ANK3: variants seen among roughly 807,000 people sequenced by gnomAD.
ANK3 encodes the protein ankyrin 3.
In ANK3, 57 loss-of-function variants were observed where a neutral mutation model predicts 370.9. The observed-to-expected ratio is 0.15, with a 90% confidence interval of 0.12 to 0.19. The LOEUF is 0.19. Ranked by LOEUF, ANK3 falls within the 10% of genes least tolerant of loss-of-function variation. The pLI is 1.00. For synonymous variants in ANK3, 1,929 were observed against 1,946.3 expected, an observed-to-expected ratio of 0.99 and a Z score of 0.23; for missense variants, 4,439 against 5,302.1, an observed-to-expected ratio of 0.84 and a Z score of 5.06.
chr10:60,069,414 G>A lies in ANK3; in HGVS notation c.11467C>T (p.Pro3823Ser), dbSNP rs1322623252. 1 of 1,613,404 alleles carries A rather than the reference G, an allele frequency of 6.2e-7. No homozygotes were observed. The highest frequency in any genetic ancestry group is 1.3e-5 in the African/African-American group (1 of 74,716). The change falls in exon 37 of 44, where the codon CCA becomes TCA. Residue 3823 changes from proline to serine, a missense_variant. By Grantham distance (74) the Pro-to-Ser change is moderately conservative. Around this residue, in one of 13 missense-constraint regions of ANK3, gnomAD observed 496 missense variants for 529.3 expected, o/e 0.94. Coordinates refer to ENST00000280772, the MANE Select transcript of ANK3 (RefSeq NM_020987.5). ...TTTTTTCCTGATGAGACTTTCACTGGGTTATCTTTCTCTGTGGTACAAGTG... is the reference window on the plus strand; with the variant it reads ...TTTTTTCCTGATGAGACTTTCACTGAGTTATCTTTCTCTGTGGTACAAGTG... ...APTCTTEKDN[P>S]VKVSSGKKTG...
chr10:60,124,595 T>A (rs578096608), intron 25 of ANK3, among the ~76,000 whole-genome samples: 1 of 152,250 alleles, frequency 6.6e-6, no homozygotes, highest in South Asian at 2.1e-4. Flanking sequence ...AAGTCAGAGC[T>A]GCCTGCTGGA....
intron 2 of ANK3, among the ~76,000 whole-genome samples, chr10:60,514,801 A>C (rs2076176514): frequency 6.6e-6 from 1 of 152,136 alleles, no homozygotes; most frequent in South Asian, 2.1e-4. Context: ...TATGTTTCCA[A>C]GTTGCTTCTA....
intron 1 of ANK3, among the ~76,000 whole-genome samples, chr10:60,647,459 C>A (rs1035317362): frequency 1.5e-4 from 23 of 152,110 alleles, no homozygotes; most frequent in Non-Finnish European, 2.5e-4. Context: ...AGTCATATCA[C>A]TGGACAACTT....
intron 28 of ANK3, among the ~76,000 whole-genome samples, chr10:60,099,206 C>G (rs769093452): frequency 6.6e-6 from 1 of 152,090 alleles, no homozygotes; most frequent in East Asian, 1.9e-4. Flanking sequence ...AAGTTTTTCT[C>G]TCTCTTGGGT....
At chr10:60,581,849 T>C (rs1041433761) in intron 2 of ANK3, among the ~76,000 whole-genome samples, 2 of 151,860 alleles carry the variant, frequency 1.3e-5, no homozygotes, top group Non-Finnish European at 1.5e-5. Context: ...CTATTCACAA[T>C]AGCAAAGACT....
intron 5 of ANK3, among the ~76,000 whole-genome samples, chr10:60,266,154 T>C (rs925706285): frequency 6.6e-6 from 1 of 152,150 alleles, no homozygotes; most frequent in African/African-American, 2.4e-5. Flanking sequence ...AAAGACTAGA[T>C]ACATCCAAGA....
intron 28 of ANK3, among the ~76,000 whole-genome samples, chr10:60,089,013 A>C (rs1215704642): frequency 2.0e-5 from 3 of 152,174 alleles, no homozygotes; most frequent in Non-Finnish European, 4.4e-5. Context: ...AAAAAGAAAA[A>C]AAAGTGAGGC....
intron 26 of ANK3, 89 bp downstream of exon 26, chr10:60,114,136 G>T: frequency 1.7e-6 from 1 of 578,142 alleles, no homozygotes; most frequent in Non-Finnish European, 3.0e-6. Flanking sequence ...TCATATATAT[G>T]AAGCTTGTTG....
At position 60,054,352 on chromosome 10, in the gene ANK3, A is replaced by G. The variant is rs1202639300; in HGVS notation, c.13065+1306T>C. 2.6e-5 allele frequency among the ~76,000 whole-genome samples: 4 copies of G among 152,236 alleles called. No homozygotes were observed. In the East Asian group the frequency reaches 7.7e-4, roughly 29 times the overall value. Reference sequence around the variant, plus strand: ...TTCAAAACCACACTTGTCAGGACGGAGTTAAAGAAGGCCTGAAAAAGACTT... The same window carrying G: ...TTCAAAACCACACTTGTCAGGACGGGGTTAAAGAAGGCCTGAAAAAGACTT... On this transcript the variant is annotated intron_variant, in intron 42 of 43. Coordinates refer to ENST00000280772, the MANE Select transcript of ANK3 (RefSeq NM_020987.5).
intron 1 of ANK3, among the ~76,000 whole-genome samples, chr10:60,373,103 C>T (rs1415369682): frequency 3.3e-5 from 5 of 152,198 alleles, no homozygotes; most frequent in Non-Finnish European, 1.5e-5. Flanking sequence ...AGTTACATAA[C>T]TTTGTAGCAT....
chr10:60,555,690 C>T (rs2077190642), intron 2 of ANK3, among the ~76,000 whole-genome samples: 1 of 152,058 alleles, frequency 6.6e-6, no homozygotes, highest in Admixed American at 6.6e-5. Flanking sequence ...CATGGAGTAA[C>T]ATCAGTTTGG....
intron 1 of ANK3, among the ~76,000 whole-genome samples, chr10:60,715,365 G>C (rs2079771145): frequency 6.6e-6 from 1 of 151,846 alleles, no homozygotes; most frequent in South Asian, 2.1e-4. Flanking sequence ...TAAATTAAAG[G>C]AACAATGCAT....
At chr10:60,673,552 A>T (rs2079088246) in intron 1 of ANK3, among the ~76,000 whole-genome samples, 1 of 151,988 alleles carries the variant, frequency 6.6e-6, no homozygotes, top group East Asian at 1.9e-4. Context: ...GGGTTCCACC[A>T]TGTTGACCAG....
chr10:60,083,668 A>T (rs1220633241), intron 32 of ANK3, 51 bp from the exon 33 acceptor site: 1 of 1,462,810 alleles, frequency 6.8e-7, no homozygotes. Context: ...AGTTTAAAAT[A>T]TTTTGAGATT....
intron 1 of ANK3, among the ~76,000 whole-genome samples, chr10:60,657,306 G>A (rs1338005925): frequency 6.6e-6 from 1 of 152,136 alleles, no homozygotes; most frequent in Non-Finnish European, 1.5e-5. Flanking sequence ...GACAAGATGT[G>A]GGTGGGGACA....
chr10:60,037,210 T>G (rs778770045), intron 43 of ANK3, among the ~76,000 whole-genome samples: 4 of 152,182 alleles, frequency 2.6e-5, no homozygotes, highest in Non-Finnish European at 5.9e-5. Flanking sequence ...TTCATTTTAT[T>G]CTTGTCCCCC....
chr10:60,447,282 G>A (rs2064473489), intron 2 of ANK3, among the ~76,000 whole-genome samples: 3 of 152,214 alleles, frequency 2.0e-5, no homozygotes, highest in Admixed American at 1.3e-4. Flanking sequence ...CGACAAAGGG[G>A]TATCAGGACA....
intron 2 of ANK3, among the ~76,000 whole-genome samples, chr10:60,607,388 C>T (rs888180362): frequency 1.3e-5 from 2 of 152,110 alleles, no homozygotes; most frequent in African/African-American, 2.4e-5. Flanking sequence ...CTTTACCTTA[C>T]ACCACATACT....
At chr10:60,030,267 C>T (rs1227039786) in intron 43 of ANK3, among the ~76,000 whole-genome samples, 4 of 151,998 alleles carry the variant, frequency 2.6e-5, no homozygotes, top group East Asian at 3.9e-4. Flanking sequence ...CTCAGCCTCC[C>T]GAGTAGCTGG....
Sources: gnomAD v4.1 joint callset for allele counts (sites outside exome capture counted in the v4.1 genomes callset) on GRCh38, gnomAD v4.1.1 for gene constraint, gnomAD v4.1.1 regional missense constraint, MANE v1.5 for transcripts, NCBI Gene and HGNC (gene_info 2026-07-23, HGNC 2026-07-21) for gene names.